CSMD1: variants seen among roughly 807,000 people sequenced by gnomAD.
The protein encoded by CSMD1 is CUB and Sushi multiple domains 1.
A neutral mutation model predicts 417.5 loss-of-function variants in CSMD1; 213 were observed. The ratio of observed to expected loss-of-function variants is 0.51; its 90% CI spans 0.46 to 0.57. The LOEUF (loss-of-function observed/expected upper bound fraction) is 0.57, where lower values mean the gene tolerates loss of function less well. Among genes scored for constraint, CSMD1 ranks in the 20% least tolerant of loss-of-function variants. The pLI is 0.00. For missense variants in CSMD1, 6,923 were observed against 4,529.7 expected, an observed-to-expected ratio of 1.53 and a Z score of -15.17; for synonymous variants, 2,862 against 1,736.8, an observed-to-expected ratio of 1.65 and a Z score of -16.11.
intron 5 of CSMD1, among the ~76,000 whole-genome samples, chr8:3,964,163 T>C (rs1029552729): frequency 2.0e-5 from 3 of 152,236 alleles, no homozygotes; most frequent in African/African-American, 7.2e-5. Flanking sequence ...AGACCAATTT[T>C]CATCTTAACA....
chr8:3,074,810 G>A (rs985409079), intron 49 of CSMD1, among the ~76,000 whole-genome samples: 1 of 152,162 alleles, frequency 6.6e-6, no homozygotes, highest in Non-Finnish European at 1.5e-5. Flanking sequence ...CATGGAAAGT[G>A]TGATATCATT....
Position 3,219,248 on chromosome 8 carries a change from G to T in CSMD1, c.4672+7C>A, listed in dbSNP as rs373433695. 9.9e-5 allele frequency: 157 copies of T among 1,579,578 alleles called. No homozygotes were observed. In the African/African-American group the frequency reaches 1.7e-3, roughly 17 times the overall value. ...AATTCCCACTCAAATTCAGGCAATC[G>T]CAATACCTTTAAATTCAATGGCGAA... On this transcript the variant is annotated splice_region_variant and intron_variant, in intron 29 of 69. Coordinates refer to ENST00000635120, the MANE Select transcript of CSMD1 (RefSeq NM_033225.6).
At chr8:3,797,326 A>C (rs1186556586) in intron 5 of CSMD1, among the ~76,000 whole-genome samples, 1 of 151,934 alleles carries the variant, frequency 6.6e-6, no homozygotes, top group Non-Finnish European at 1.5e-5. Context: ...TAATTCAATG[A>C]TTGTTGACAA....
In CSMD1 at chr8:3,159,039, C is replaced by T. The variant is rs149177326; in HGVS notation, c.5845-1073G>A. Among the ~76,000 whole-genome samples the T allele has an allele frequency of 8.0e-4, 122 of 152,200 alleles. 1 individual carries two copies. The highest frequency in any genetic ancestry group is 2.8e-3 in the African/African-American group (118 of 41,538). ...TTAAAAGTAGTTACAGTAAAGAAGA[C>T]CATATTTAATTTTAAAGAAGATACT... is the stretch of plus-strand genomic sequence containing the variant. On this transcript the variant is annotated intron_variant, in intron 38 of 69. Coordinates refer to ENST00000635120, the MANE Select transcript of CSMD1 (RefSeq NM_033225.6).
chr8:4,880,060 C>G (rs1803295838), intron 1 of CSMD1, among the ~76,000 whole-genome samples: 1 of 152,040 alleles, frequency 6.6e-6, no homozygotes, highest in East Asian at 1.9e-4. Flanking sequence ...TAATCTCCTA[C>G]CTTTCTGCTG....
At chr8:4,914,838 G>A (rs774505004) in intron 1 of CSMD1, among the ~76,000 whole-genome samples, 1 of 152,194 alleles carries the variant, frequency 6.6e-6, no homozygotes, top group Non-Finnish European at 1.5e-5. Context: ...ACATCAGGGA[G>A]TTTCACCTAC....
intron 3 of CSMD1, among the ~76,000 whole-genome samples, chr8:4,345,981 G>A (rs1032713695): frequency 1.3e-5 from 2 of 152,100 alleles, no homozygotes; most frequent in African/African-American, 4.8e-5. Context: ...GATATCATTT[G>A]GAATTTCAGT....
intron 5 of CSMD1, among the ~76,000 whole-genome samples, chr8:3,983,135 C>CTTTCTT (rs1554506675): frequency 3.0e-5 from 4 of 133,522 alleles, no homozygotes; most frequent in African/African-American, 1.2e-4. Context: ...ATCTTTCTTT[C>CTTTCTT]TTTTTTTTTT....
At chr8:3,696,267 T>C (rs1351449585) in intron 7 of CSMD1, among the ~76,000 whole-genome samples, 1 of 152,190 alleles carries the variant, frequency 6.6e-6, no homozygotes, top group Non-Finnish European at 1.5e-5. Context: ...CCTGCAAGTA[T>C]TCTAATAATA....
intron 52 of CSMD1, among the ~76,000 whole-genome samples, chr8:3,001,878 A>G (rs144258173): frequency 0.013 from 2,020 of 152,286 alleles, 20 homozygotes; most frequent in Non-Finnish European, 0.019. Context: ...CTCCTTTGGG[A>G]TTAAGTATAT....
chr8:3,431,639 C>G (rs573822185), intron 12 of CSMD1, among the ~76,000 whole-genome samples: 2 of 152,208 alleles, frequency 1.3e-5, no homozygotes, highest in African/African-American at 4.8e-5. Flanking sequence ...ACTGACAAAA[C>G]TTGTTTATTA....
At chr8:4,039,765 T>A (rs1797793366) in intron 3 of CSMD1, among the ~76,000 whole-genome samples, 1 of 152,196 alleles carries the variant, frequency 6.6e-6, no homozygotes, top group Non-Finnish European at 1.5e-5. Flanking sequence ...GGGAAGTCGT[T>A]GTGGCAAGCA....
chr8:4,149,741 C>G (rs946605415), intron 3 of CSMD1, among the ~76,000 whole-genome samples: 4 of 152,196 alleles, frequency 2.6e-5, no homozygotes, highest in African/African-American at 9.6e-5. Context: ...AACCTCAACT[C>G]CAAGCATCCA....
intron 18 of CSMD1, among the ~76,000 whole-genome samples, chr8:3,377,139 G>T (rs1323286734): frequency 6.6e-6 from 1 of 152,172 alleles, no homozygotes; most frequent in Non-Finnish European, 1.5e-5. Context: ...GTCCTGAACC[G>T]CTGGGACTAT....
chr8:4,237,491 G>A (rs933551134), intron 3 of CSMD1, among the ~76,000 whole-genome samples: 10 of 151,912 alleles, frequency 6.6e-5, no homozygotes, highest in Non-Finnish European at 8.8e-5. Flanking sequence ...ATGGCTAAAC[G>A]GTCTTCACTC....
chr8:4,014,532 C>T (rs548384362), intron 4 of CSMD1, among the ~76,000 whole-genome samples: 8 of 152,148 alleles, frequency 5.3e-5, no homozygotes, highest in African/African-American at 9.7e-5. Flanking sequence ...GACTACTATG[C>T]GATCCTAATA....
At chr8:3,616,600 A>T in intron 8 of CSMD1, 110 bp downstream of exon 8, 1 of 690,700 alleles carries the variant, frequency 1.4e-6, no homozygotes, top group East Asian at 2.7e-5. Flanking sequence ...AATGATTAAG[A>T]AGTTTTATCT....
intron 2 of CSMD1, among the ~76,000 whole-genome samples, chr8:4,587,429 G>A (rs1378795487): frequency 7.4e-6 from 1 of 136,014 alleles, no homozygotes; most frequent in African/African-American, 2.9e-5. Flanking sequence ...ACATGTATAT[G>A]TGGATATATA....
intron 7 of CSMD1, among the ~76,000 whole-genome samples, chr8:3,659,221 G>C (rs7838402): frequency 0.025 from 3,782 of 152,280 alleles, 168 homozygotes; most frequent in African/African-American, 0.085. Context: ...AGCCCAGGGA[G>C]GTGAAATTGT....
Sources: allele counts gnomAD v4.1 joint callset (sites outside exome capture counted in the v4.1 genomes callset), GRCh38; gene constraint gnomAD v4.1.1; transcripts MANE v1.5; gene names NCBI Gene and HGNC (gene_info 2026-07-23, HGNC 2026-07-21).